Variants in KCNH8 observed in about 807,000 individuals in gnomAD.
The protein encoded by KCNH8 is voltage-gated delayed rectifier potassium channel KCNH8.
KCNH8 carries 70 observed loss-of-function variants against 103.6 expected under a neutral mutation model. That is an observed-to-expected ratio of 0.68 (90% CI 0.56 to 0.82). The LOEUF is 0.82. KCNH8 is among the 40% of genes least tolerant of loss of function. The pLI is 0.00. For missense variants in KCNH8, 1,217 were observed against 1,329.9 expected, an observed-to-expected ratio of 0.92 and a Z score of 1.32; for synonymous variants, 498 against 489.4, an observed-to-expected ratio of 1.02 and a Z score of -0.23.
intron 5 of KCNH8, among the ~76,000 whole-genome samples, chr3:19,359,520 A>G (rs570116669): frequency 5.9e-4 from 89 of 152,116 alleles, no homozygotes; most frequent in African/African-American, 1.7e-3. Flanking sequence ...AATATCGTTT[A>G]AGTAGAATTC....
At chr3:19,242,423 G>T (rs1276657239) in intron 1 of KCNH8, among the ~76,000 whole-genome samples, 2 of 152,154 alleles carry the variant, frequency 1.3e-5, no homozygotes, top group African/African-American at 4.8e-5. Flanking sequence ...GGTTGGGCAT[G>T]AGGTTATGTA....
In KCNH8 at chr3:19,342,714, C is replaced by T. The variant is rs755255892; in HGVS notation, c.570C>T (p.Asn190=). 4.0e-5 allele frequency: 64 copies of T among 1,602,970 alleles called. 1 individual carries two copies. Among genetic ancestry groups the T allele is most frequent in the South Asian group, 1.9e-4 (17 of 90,756 alleles). ...RREKNKLKIN[N]NVFVDKPAFP... is the part of the protein sequence containing the mutation. ...AAAAGAACAAATTGAAAATAAATAACGTAGGTGGTATGTGTGTACAGGATG... is the reference window on the plus strand; with the variant it reads ...AAAAGAACAAATTGAAAATAAATAATGTAGGTGGTATGTGTGTACAGGATG... Residue 190 remains asparagine, a splice_region_variant and synonymous_variant, in exon 4 of 16, where the codon AAC becomes AAT. Coordinates refer to ENST00000328405, the MANE Select transcript of KCNH8 (RefSeq NM_144633.3).
intron 10 of KCNH8, among the ~76,000 whole-genome samples, chr3:19,452,877 C>A (rs1416318391): frequency 6.6e-6 from 1 of 151,998 alleles, no homozygotes; most frequent in Non-Finnish European, 1.5e-5. Flanking sequence ...ATCTATTTTT[C>A]TAATTTTAAA....
intron 5 of KCNH8, among the ~76,000 whole-genome samples, chr3:19,359,314 G>C (rs2065918760): frequency 6.6e-6 from 1 of 151,724 alleles, no homozygotes; most frequent in Non-Finnish European, 1.5e-5. Context: ...CTATTAAGAA[G>C]ATATAACCAT....
chr3:19,173,372 T>G (rs868600425), intron 1 of KCNH8, among the ~76,000 whole-genome samples: 1 of 152,094 alleles, frequency 6.6e-6, no homozygotes, highest in African/African-American at 2.4e-5. Context: ...TCCTAGTTAT[T>G]TTTTTCAACA....
At chr3:19,316,844 G>T (rs1054414579) in intron 3 of KCNH8, among the ~76,000 whole-genome samples, 3 of 151,868 alleles carry the variant, frequency 2.0e-5, no homozygotes, top group Non-Finnish European at 4.4e-5. Context: ...TTTTCCTTAA[G>T]GTCAAGAAAT....
intron 11 of KCNH8, among the ~76,000 whole-genome samples, chr3:19,481,741 G>A (rs2068090463): frequency 6.6e-6 from 1 of 152,186 alleles, no homozygotes; most frequent in African/African-American, 2.4e-5. Flanking sequence ...TCAAAACCCT[G>A]TGCTGGATTA....
intron 4 of KCNH8, 114 bp downstream of exon 4, chr3:19,342,828 C>A: frequency 9.5e-7 from 1 of 1,053,160 alleles, no homozygotes; most frequent in Non-Finnish European, 1.4e-6. Flanking sequence ...ATTTTTTTTT[C>A]CACTTTGGTT....
At chr3:19,466,493 T>C (rs1461019286) in intron 11 of KCNH8, among the ~76,000 whole-genome samples, 1 of 152,074 alleles carries the variant, frequency 6.6e-6, no homozygotes, top group Non-Finnish European at 1.5e-5. Flanking sequence ...ACTTCATTGT[T>C]GTTTTATTTT....
intron 5 of KCNH8, among the ~76,000 whole-genome samples, chr3:19,368,236 T>C (rs2066039857): frequency 6.6e-6 from 1 of 151,996 alleles, no homozygotes; most frequent in African/African-American, 2.4e-5. Context: ...GCCCATACAA[T>C]GATTAGGGAA....
chr3:19,156,360 G>A (rs1192194230), intron 1 of KCNH8, among the ~76,000 whole-genome samples: 1 of 152,116 alleles, frequency 6.6e-6, no homozygotes, highest in Non-Finnish European at 1.5e-5. Flanking sequence ...CCTCTAAAAT[G>A]TGCTTGTATA....
At chr3:19,210,702 T>A (rs978629251) in intron 1 of KCNH8, among the ~76,000 whole-genome samples, 3 of 151,928 alleles carry the variant, frequency 2.0e-5, no homozygotes, top group Non-Finnish European at 2.9e-5. Flanking sequence ...AAAAAAAAAT[T>A]TGATTAGAAA....
chr3:19,334,059 G>C (rs1238703081), intron 3 of KCNH8, among the ~76,000 whole-genome samples: 1 of 152,206 alleles, frequency 6.6e-6, no homozygotes, highest in East Asian at 1.9e-4. Flanking sequence ...TTCACCAGCA[G>C]CTAAAACTGG....
intron 3 of KCNH8, among the ~76,000 whole-genome samples, chr3:19,290,682 A>C (rs1290073663): frequency 1.3e-5 from 2 of 152,010 alleles, no homozygotes; most frequent in Non-Finnish European, 1.5e-5. Flanking sequence ...CATCAGTGTT[A>C]ATCAGGGATA....
At chr3:19,351,815 G>A (rs2065806544) in intron 5 of KCNH8, among the ~76,000 whole-genome samples, 1 of 152,176 alleles carries the variant, frequency 6.6e-6, no homozygotes, top group African/African-American at 2.4e-5. Flanking sequence ...AGGCTGGGAA[G>A]AAACTGCGTC....
At chr3:19,321,377 T>A (rs1221315093) in intron 3 of KCNH8, among the ~76,000 whole-genome samples, 10 of 152,016 alleles carry the variant, frequency 6.6e-5, no homozygotes, top group Non-Finnish European at 1.3e-4. Flanking sequence ...TATTGATACA[T>A]TGTGTCACTA....
intron 3 of KCNH8, among the ~76,000 whole-genome samples, chr3:19,283,976 A>C (rs2064793291): frequency 6.6e-6 from 1 of 151,178 alleles, no homozygotes; most frequent in Admixed American, 6.6e-5. Context: ...AAGAAAAAAA[A>C]ATATTTTTAC....
chr3:19,414,657 A>G (rs1425621344), intron 7 of KCNH8, among the ~76,000 whole-genome samples: 1 of 152,080 alleles, frequency 6.6e-6, no homozygotes, highest in Non-Finnish European at 1.5e-5. Context: ...TAATCATTAC[A>G]AAATAATTGA....
chr3:19,395,364 T>A, intron 7 of KCNH8, 53 bp downstream of exon 7: 1 of 1,270,088 alleles, frequency 7.9e-7, no homozygotes, highest in Non-Finnish European at 1.1e-6. Context: ...AAAAAAAGAG[T>A]ATCAAGAACT....
Sources: gnomAD v4.1 joint callset for allele counts (sites outside exome capture counted in the v4.1 genomes callset) on GRCh38, gnomAD v4.1.1 for gene constraint, MANE v1.5 for transcripts, NCBI Gene and HGNC (gene_info 2026-07-23, HGNC 2026-07-21) for gene names.